The following JAZF1 variants were observed in gnomAD, a reference collection of about 807,000 sequenced individuals.
JAZF1 encodes the protein juxtaposed with another zinc finger protein 1.
JAZF1 carries 8 observed loss-of-function variants against 26.4 expected under a neutral mutation model. The observed-to-expected ratio is 0.30, with a 90% CI of 0.18 to 0.55. JAZF1 has a LOEUF of 0.55. Ranked by LOEUF, JAZF1 falls within the 20% of genes least tolerant of loss-of-function variation. JAZF1 has a pLI of 0.94. For synonymous variants in JAZF1, 126 were observed against 122.3 expected (o/e 1.03, Z -0.20); for missense variants, 199 against 322.0 (o/e 0.62, Z 2.92).
chr7:27,849,752 G>GACACAGACACACACACACACAC (rs61688947), intron 3 of JAZF1, among the ~76,000 whole-genome samples: 11 of 108,444 alleles, frequency 1.0e-4, no homozygotes, highest in African/African-American at 1.7e-4. Context: ...CTTACACACA[G>GACACAGACACACACACACACAC]ACACACACAC....
chr7:27,959,222 T>C (rs913051585), intron 2 of JAZF1, among the ~76,000 whole-genome samples: 4 of 152,246 alleles, frequency 2.6e-5, no homozygotes, highest in Non-Finnish European at 5.9e-5. Flanking sequence ...TTTCTAATTA[T>C]GATCAGGGTT....
chr7:27,929,258 G>C (rs60164919), intron 2 of JAZF1, among the ~76,000 whole-genome samples: 145,427 of 151,834 alleles, frequency 0.96, 69,513 homozygotes, highest in East Asian at 1. Flanking sequence ...CAGTGGGCAG[G>C]CAGCATTGCC....
At chr7:27,956,126 T>C (rs1279714615) in intron 2 of JAZF1, among the ~76,000 whole-genome samples, 1 of 152,000 alleles carries the variant, frequency 6.6e-6, no homozygotes, top group East Asian at 1.9e-4. Flanking sequence ...AGTCTGTGAG[T>C]AGGGTGTAGC....
chr7:27,887,004 A>G (rs1182745852), intron 3 of JAZF1, among the ~76,000 whole-genome samples: 2 of 152,226 alleles, frequency 1.3e-5, no homozygotes, highest in Non-Finnish European at 2.9e-5. Context: ...ACAGGAACAG[A>G]AAACCAAATA....
chr7:27,891,439 T>A (rs1583450404), intron 3 of JAZF1, among the ~76,000 whole-genome samples: 2 of 152,284 alleles, frequency 1.3e-5, no homozygotes, highest in Admixed American at 1.3e-4. Context: ...TCTAAGCTTT[T>A]CTTAAATGAA....
chr7:27,994,813 G>T (rs1279539961), intron 1 of JAZF1, among the ~76,000 whole-genome samples: 1 of 152,142 alleles, frequency 6.6e-6, no homozygotes, highest in Non-Finnish European at 1.5e-5. Context: ...CCATTTTATG[G>T]ATTTAATTAT....
At chr7:28,007,119 A>G (rs570217121) in intron 1 of JAZF1, among the ~76,000 whole-genome samples, 1 of 152,308 alleles carries the variant, frequency 6.6e-6, no homozygotes, top group South Asian at 2.1e-4. Flanking sequence ...AGGTAAAAGT[A>G]TGCTATTCCT....
intron 1 of JAZF1, among the ~76,000 whole-genome samples, chr7:28,000,005 G>T (rs1443294722): frequency 6.6e-6 from 1 of 152,182 alleles, no homozygotes; most frequent in African/African-American, 2.4e-5. Flanking sequence ...CTGATGAATG[G>T]GAACTGAGCC....
At chr7:28,054,555 A>C (rs2128380900) in intron 1 of JAZF1, among the ~76,000 whole-genome samples, 1 of 152,236 alleles carries the variant, frequency 6.6e-6, no homozygotes, top group South Asian at 2.1e-4. Context: ...ACTTGCTGAC[A>C]GGATCTCTAT....
intron 1 of JAZF1, among the ~76,000 whole-genome samples, chr7:28,119,168 G>C (rs1486190946): frequency 6.6e-6 from 1 of 152,088 alleles, no homozygotes; most frequent in African/African-American, 2.4e-5. Context: ...AGAAGCTCCT[G>C]CTTCCCATGG....
chr7:28,164,244 A>G (rs1783332497), intron 1 of JAZF1, among the ~76,000 whole-genome samples: 1 of 152,228 alleles, frequency 6.6e-6, no homozygotes, highest in Non-Finnish European at 1.5e-5. Context: ...ACCAGATAGC[A>G]TTAATGCTTA....
At chr7:27,880,038 C>A (rs1173594198) in intron 3 of JAZF1, among the ~76,000 whole-genome samples, 4 of 152,128 alleles carry the variant, frequency 2.6e-5, no homozygotes, top group African/African-American at 9.7e-5. Context: ...TTAAGAGGCA[C>A]AGCTACCACG....
intron 1 of JAZF1, among the ~76,000 whole-genome samples, chr7:28,119,728 T>C (rs996133892): frequency 6.6e-6 from 1 of 152,200 alleles, no homozygotes; most frequent in Non-Finnish European, 1.5e-5. Flanking sequence ...CCATTAATCA[T>C]TTCATTAACT....
intron 2 of JAZF1, among the ~76,000 whole-genome samples, chr7:27,976,505 C>T (rs1413259030): frequency 2.6e-5 from 4 of 152,074 alleles, no homozygotes. Context: ...AACGGTAGCA[C>T]GATGCCTGGT....
intron 2 of JAZF1, among the ~76,000 whole-genome samples, chr7:27,982,389 A>C (rs1262811318): frequency 6.6e-6 from 1 of 152,166 alleles, no homozygotes; most frequent in Non-Finnish European, 1.5e-5. Flanking sequence ...GCAAGGCGGC[A>C]GCGAGGCTGG....
intron 3 of JAZF1, among the ~76,000 whole-genome samples, chr7:27,849,772 C>CACACACACACACACACACACACACATAT (rs140580370): frequency 0.013 from 1,983 of 146,984 alleles, 50 homozygotes; most frequent in African/African-American, 0.047. Flanking sequence ...CACACACACA[C>CACACACACACACACACACACACACATAT]ACCCCTACAC....
chr7:27,870,847 A>G (rs2128337905), intron 3 of JAZF1, among the ~76,000 whole-genome samples: 1 of 152,316 alleles, frequency 6.6e-6, no homozygotes, highest in East Asian at 1.9e-4. Flanking sequence ...CAGCGCACGC[A>G]TCCAGTACTC....
intron 1 of JAZF1, among the ~76,000 whole-genome samples, chr7:28,053,285 C>A (rs569571481): frequency 6.6e-6 from 1 of 152,148 alleles, no homozygotes; most frequent in Non-Finnish European, 1.5e-5. Context: ...ATAATTTCGG[C>A]GTGCAAATAT....
intron 2 of JAZF1, among the ~76,000 whole-genome samples, chr7:27,904,300 C>G (rs1583456531): frequency 6.6e-6 from 1 of 152,214 alleles, no homozygotes; most frequent in African/African-American, 2.4e-5. Context: ...GAACGTACAT[C>G]TGCTAATAAA....
Sources: gnomAD v4.1 joint callset for allele counts (sites outside exome capture counted in the v4.1 genomes callset) on GRCh38, gnomAD v4.1.1 for gene constraint, MANE v1.5 for transcripts, NCBI Gene and HGNC (gene_info 2026-07-23, HGNC 2026-07-21) for gene names.